Variants in CDK7 observed in about 807,000 individuals in gnomAD.
CDK7 encodes the protein cyclin dependent kinase 7, also known as cyclin-dependent kinase 7.
A neutral mutation model predicts 49.1 loss-of-function variants in CDK7; 25 were observed. The observed-to-expected ratio is 0.51, with a 90% CI of 0.37 to 0.71. CDK7 has a LOEUF of 0.71. Ranked by LOEUF, CDK7 falls within the 30% of genes least tolerant of loss-of-function variation. The pLI is 0.00. For synonymous variants in CDK7, 107 were observed against 140.0 expected, an observed-to-expected ratio of 0.76 and a Z score of 1.67; for missense variants, 316 against 411.7, an observed-to-expected ratio of 0.77 and a Z score of 2.01.
chr5:69,247,455 G>T (rs989761429), intron 2 of CDK7, among the ~76,000 whole-genome samples: 3 of 149,648 alleles, frequency 2.0e-5, no homozygotes, highest in Middle Eastern at 3.5e-3. Context: ...CTTTCAGTCT[G>T]TGTGTGTCTG....
At chr5:69,274,413 T>C (rs1397036404) in intron 10 of CDK7, among the ~76,000 whole-genome samples, 1 of 152,148 alleles carries the variant, frequency 6.6e-6, no homozygotes, top group Non-Finnish European at 1.5e-5. Flanking sequence ...GGAGCAAGGA[T>C]AGCTTGAGCC....
chr5:69,243,742 T>C (rs1307403472), intron 2 of CDK7, among the ~76,000 whole-genome samples: 1 of 152,036 alleles, frequency 6.6e-6, no homozygotes, highest in Non-Finnish European at 1.5e-5. Flanking sequence ...ATTTTAACAA[T>C]ATTGATTCTT....
intron 5 of CDK7, among the ~76,000 whole-genome samples, chr5:69,257,332 TAAAAA>T (rs569774002): frequency 6.6e-6 from 1 of 152,050 alleles, no homozygotes; most frequent in African/African-American, 2.4e-5. Context: ...AATCTGATTT[TAAAAA>T]AAGAAAAGGG....
At chr5:69,250,022 G>A (rs575631067) in intron 2 of CDK7, among the ~76,000 whole-genome samples, 23 of 152,238 alleles carry the variant, frequency 1.5e-4, no homozygotes, top group African/African-American at 3.4e-4. Context: ...CAGCTATTTC[G>A]AATTCTCTGA....
chr5:69,255,395 CT>C, intron 4 of CDK7, 64 bp from the exon 5 acceptor site: 1 of 852,880 alleles, frequency 1.2e-6, no homozygotes, highest in Non-Finnish European at 1.8e-6. Context: ...TAAAAATTGC[CT>C]CAGTTGCTAT....
At chr5:69,244,812 C>T (rs1000653935) in intron 2 of CDK7, among the ~76,000 whole-genome samples, 5 of 151,994 alleles carry the variant, frequency 3.3e-5, no homozygotes, top group Non-Finnish European at 7.4e-5. Flanking sequence ...GTATACTGAC[C>T]ATGGGTCTGT....
chr5:69,256,552 G>A (rs980146781), intron 5 of CDK7, among the ~76,000 whole-genome samples: 2 of 149,740 alleles, frequency 1.3e-5, no homozygotes, highest in African/African-American at 5.0e-5. Flanking sequence ...TGTTGGACGG[G>A]ATGGTTTCAA....
chr5:69,241,620 G>A (rs565001660), intron 2 of CDK7, among the ~76,000 whole-genome samples: 74 of 152,142 alleles, frequency 4.9e-4, no homozygotes, highest in Non-Finnish European at 6.2e-4. Context: ...CAACGGGCCC[G>A]GCCCTCATTG....
chr5:69,267,175 A>G (rs140076376), intron 8 of CDK7, among the ~76,000 whole-genome samples: 1 of 152,166 alleles, frequency 6.6e-6, no homozygotes, highest in African/African-American at 2.4e-5. Context: ...ACCAGTTTCA[A>G]TAGTTTCAAC....
chr5:69,261,488 CTCTGTGTGTG>C (rs1402376345), intron 7 of CDK7, among the ~76,000 whole-genome samples: 2 of 120,260 alleles, frequency 1.7e-5, no homozygotes, highest in African/African-American at 3.0e-5. Flanking sequence ...TGAAAAGGTT[CTCTGTGTGTG>C]TGTGTGTGTG....
At chr5:69,276,352 C>T (rs889937725) in intron 10 of CDK7, among the ~76,000 whole-genome samples, 191 bp from the exon 11 acceptor site, 1 of 152,146 alleles carries the variant, frequency 6.6e-6, no homozygotes, top group Non-Finnish European at 1.5e-5. Context: ...AATTATCAGC[C>T]AATCTTAGGA....
At chr5:69,246,301 C>T (rs929964228) in intron 2 of CDK7, among the ~76,000 whole-genome samples, 2 of 151,786 alleles carry the variant, frequency 1.3e-5, no homozygotes, top group South Asian at 2.1e-4. Flanking sequence ...CACGCCTGGC[C>T]GATGTTTGTA....
chr5:69,270,878 A>G (rs1751480433), intron 9 of CDK7, among the ~76,000 whole-genome samples: 1 of 152,202 alleles, frequency 6.6e-6, no homozygotes, highest in South Asian at 2.1e-4. Flanking sequence ...ATTGAAGGAC[A>G]TCTATATTTG....
At position 69,259,902 on chromosome 5, in the gene CDK7, C is replaced by T. The variant is rs746333333; in HGVS notation, c.493C>T (p.Pro165Ser). 1 of 1,613,094 alleles carries T rather than the reference C, an allele frequency of 6.2e-7. No homozygotes were observed. Among genetic ancestry groups the T allele is most frequent in the Non-Finnish European group, 8.5e-7 (1 of 1,179,138 alleles). ...DFGLAKSFGS[P>S]NRAYTHQVVT... ...TGGCCTGGCCAAATCTTTTGGGAGC[C>T]CCAATAGAGCTTATACACATCAGGT... The change falls in exon 7 of 12, where the codon CCC becomes TCC. Residue 165 changes from proline to serine, a missense_variant. Physicochemically the swap from Pro to Ser is moderately conservative, Grantham distance 74. Coordinates refer to ENST00000256443, the MANE Select transcript of CDK7 (RefSeq NM_001799.4).
At position 69,244,952 on chromosome 5, in the gene CDK7, G is replaced by A. The variant is rs532021004; in HGVS notation, c.127-7466G>A. Among the ~76,000 whole-genome samples the A allele has an allele frequency of 3.3e-5, 5 of 152,220 alleles. No individual in the cohort carries two copies. In the South Asian group the frequency reaches 6.2e-4, roughly 19 times the overall value. Reference sequence around the variant, plus strand: ...CAATTGAAATGATTATATAGTTTCTGTCCTTCATTTGTTGATATTACATAT... The same window carrying A: ...CAATTGAAATGATTATATAGTTTCTATCCTTCATTTGTTGATATTACATAT... On this transcript the variant is annotated intron_variant, in intron 2 of 11. Transcript: ENST00000256443.
At chr5:69,250,949 G>A in intron 2 of CDK7, 1 of 452,512 alleles carries the variant, frequency 2.2e-6, no homozygotes, top group Admixed American at 2.4e-5. Context: ...TTTGTTAGAA[G>A]TAGAATCGCC....
rs1216319597 is a variant in CDK7, at chr5:69,269,291, C to A, written c.712C>A (p.Pro238Thr). 1 of 1,603,486 alleles carries A rather than the reference C, an allele frequency of 6.2e-7. No individual in the cohort carries two copies. Among genetic ancestry groups the A allele is most frequent in the Admixed American group, 1.7e-5 (1 of 58,318 alleles). The change falls in exon 9 of 12, where the codon CCG becomes ACG. Residue 238 changes from proline to threonine, a missense_variant and splice_region_variant. Coordinates refer to ENST00000256443, the MANE Select transcript of CDK7 (RefSeq NM_001799.4). ...TLGTPTEEQW[P>T]DMCSLPDYVT... is the part of the protein sequence containing the mutation. The stretch of plus-strand genomic sequence containing the variant: ...GGGCACACCAACTGAGGAACAGTGG[C>A]CGGTAAGCCTTTATGCATTTTCTTT...
At chr5:69,255,826 CTT>C (rs200870478) in intron 5 of CDK7, 2,683 of 251,330 alleles carry the variant, frequency 0.011, no homozygotes, top group South Asian at 0.018. Context: ...GATTTGTTTG[CTT>C]TTTTTTTTTT....
chr5:69,277,046 A>AGAATGTGAACTTTGTT, intron 11 of CDK7, 61 bp from the exon 12 acceptor site: 1 of 1,412,354 alleles, frequency 7.1e-7, no homozygotes, highest in Non-Finnish European at 9.8e-7. Flanking sequence ...AATTGCTATG[A>AGAATGTGAACTTTGTT]GAATGTGAAC....
Sources: gnomAD v4.1 joint callset for allele counts (sites outside exome capture counted in the v4.1 genomes callset) on GRCh38, gnomAD v4.1.1 for gene constraint, MANE v1.5 for transcripts, NCBI Gene and HGNC (gene_info 2026-07-23, HGNC 2026-07-21) for gene names.